The following GGA2 variants were observed in gnomAD, a reference collection of about 807,000 sequenced individuals.
The protein encoded by GGA2 is golgi associated, gamma adaptin ear containing, ARF binding protein 2, also known as ADP-ribosylation factor-binding protein GGA2.
Under a neutral mutation model 79.5 loss-of-function variants are expected in GGA2, and 48 were observed. The ratio of observed to expected loss-of-function variants is 0.60; its 90% CI spans 0.48 to 0.77. The LOEUF is 0.77. GGA2 is among the 30% of genes least tolerant of loss of function. The pLI is 0.00. For synonymous variants in GGA2, 317 were observed against 302.0 expected, an observed-to-expected ratio of 1.05 and a Z score of -0.51; for missense variants, 770 against 774.0, an observed-to-expected ratio of 0.99 and a Z score of 0.06.
At chr16:23,524,286 C>G (rs1435309870), upstream of GGA2, 1 of 1,184,348 alleles carries the variant, frequency 8.4e-7, no homozygotes, top group African/African-American at 1.5e-5. Flanking sequence ...TCCCGACGGG[C>G]CCCAGGCCTC....
At chr16:23,482,577 C>T (rs190001657) in intron 9 of GGA2, among the ~76,000 whole-genome samples, 1 of 152,246 alleles carries the variant, frequency 6.6e-6, no homozygotes, top group African/African-American at 2.4e-5. Flanking sequence ...GGTACAAAAG[C>T]CCGTGATCCC....
intron 10 of GGA2, 30 bp downstream of exon 10, chr16:23,480,615 G>C (rs780139478): frequency 6.3e-7 from 1 of 1,589,344 alleles, no homozygotes; most frequent in South Asian, 1.1e-5. Context: ...CCCCAAGGCA[G>C]AGAAGGCAAG....
chr16:23,519,157 C>T lies in GGA2; in HGVS notation c.61+430G>A, dbSNP rs1315278860. Reference sequence around the variant, plus strand: ...CCCTGGGCTCAGGTGATCCTCCCACCTCAGCCACGCCAGTAGCTGGGATTA... The same window carrying T: ...CCCTGGGCTCAGGTGATCCTCCCACTTCAGCCACGCCAGTAGCTGGGATTA... On this transcript the variant is annotated intron_variant, in intron 2 of 5. Transcript: ENST00000569300. Among the ~76,000 whole-genome samples the T allele has an allele frequency of 4.0e-5, 6 of 151,892 alleles. No individual in the cohort carries two copies. In the South Asian group the frequency reaches 1.2e-3, roughly 32 times the overall value.
chr16:23,510,052 G>A (rs577448291), intron 1 of GGA2, among the ~76,000 whole-genome samples: 179 of 149,440 alleles, frequency 1.2e-3, no homozygotes, highest in African/African-American at 4.3e-3. Flanking sequence ...CCATTGGGGT[G>A]GGGGTCGGGG....
chr16:23,495,749 G>A lies in GGA2; in HGVS notation c.121C>T (p.Gln41Ter). ...NKATDPSMSE[Q>*]DWSAIQNFCE... Reference sequence around the variant, plus strand: ...AAATTCTGGATAGCTGACCAATCCTGTTCCGACATGCTTGGGTCTGTGGCT... The same window carrying A: ...AAATTCTGGATAGCTGACCAATCCTATTCCGACATGCTTGGGTCTGTGGCT... The change falls in exon 2 of 17, where the codon CAG becomes TAG. Residue 41 changes from glutamine (Q) to a stop codon, truncating the protein, a stop_gained. Coordinates refer to ENST00000309859, the MANE Select transcript of GGA2 (RefSeq NM_015044.4). LOFTEE classifies it high-confidence loss of function. The A allele has an allele frequency of 6.2e-7, 1 of 1,612,250 alleles. No individual in the cohort carries two copies. The highest frequency in any genetic ancestry group is 1.1e-5 in the South Asian group (1 of 91,000).
intron 1 of GGA2, among the ~76,000 whole-genome samples, chr16:23,501,800 C>A (rs1477526018): frequency 6.6e-6 from 1 of 152,212 alleles, no homozygotes; most frequent in Non-Finnish European, 1.5e-5. Context: ...GAGGAAACAT[C>A]TTCAAGTTAG....
At chr16:23,496,813 C>T (rs1045901026) in intron 1 of GGA2, among the ~76,000 whole-genome samples, 4 of 152,070 alleles carry the variant, frequency 2.6e-5, no homozygotes, top group Non-Finnish European at 4.4e-5. Context: ...AAAAAATTAG[C>T]TGGGCGTGGT....
At position 23,480,736 on chromosome 16, in the gene GGA2, T is replaced by C. The variant is rs1400986743; in HGVS notation, c.915A>G (p.Gln305=). 6.8e-6 allele frequency: 11 copies of C among 1,612,602 alleles called. No individual in the cohort carries two copies. Among genetic ancestry groups the C allele is most frequent in the Non-Finnish European group, 9.3e-6 (11 of 1,178,644 alleles). Reference sequence around the variant, plus strand: ...TCACCTGTTTGTACAGCAGAACTCCTTGGGTGAGGAGGTCATTTGCCTGGA... The same window carrying C: ...TCACCTGTTTGTACAGCAGAACTCCCTGGGTGAGGAGGTCATTTGCCTGGA... The part of the protein sequence containing the change: ...EILQANDLLT[Q]GVLLYKQVME... Residue 305 remains glutamine, a synonymous_variant, in exon 10 of 17, where the codon CAA becomes CAG. Coordinates refer to ENST00000309859, the MANE Select transcript of GGA2 (RefSeq NM_015044.4).
In GGA2 at chr16:23,480,769, C is replaced by A. The variant is rs758415721; in HGVS notation, c.882G>T (p.Ala294=). ...GGAGGTCATTTGCCTGGAGAATTTC[C>A]GCTGAAGAATGAGGGAAGACTCAGA... ...SDTTDDDDAL[A]EILQANDLLT... is the part of the protein sequence containing the mutation. Residue 294 remains alanine, a splice_region_variant and synonymous_variant, in exon 10 of 17, where the codon GCG becomes GCT. Coordinates refer to ENST00000309859, the MANE Select transcript of GGA2 (RefSeq NM_015044.4). 1 of 1,607,342 alleles carries A rather than the reference C, an allele frequency of 6.2e-7. No individual in the cohort carries two copies. Among genetic ancestry groups the A allele is most frequent in the South Asian group, 1.1e-5 (1 of 90,872 alleles).
upstream of GGA2, among the ~76,000 whole-genome samples, chr16:23,515,320 G>A (rs1262264028): frequency 2.0e-5 from 3 of 151,510 alleles, no homozygotes; most frequent in African/African-American, 7.3e-5. Context: ...TAAAAGGCCA[G>A]GCATGGTGGC....
chr16:23,470,270 C>T, intron 14 of GGA2, 105 bp from the exon 15 acceptor site: 1 of 768,862 alleles, frequency 1.3e-6, no homozygotes, highest in Non-Finnish European at 2.0e-6. Context: ...GTTGCTTCTC[C>T]ATGCAGAACA....
In GGA2 at chr16:23,510,431, C is replaced by T. The variant is rs1329302205; in HGVS notation, c.-20G>A. On this transcript the variant is annotated 5_prime_UTR_variant, in exon 1 of 17. Transcript: ENST00000309859. Reference sequence around the variant, plus strand: ...CGCCATCGCTCCAGCCCCGACGCTGCGGCCGCGGGCGCCACTGCCTCTTCA... The same window carrying T: ...CGCCATCGCTCCAGCCCCGACGCTGTGGCCGCGGGCGCCACTGCCTCTTCA... 1 of 971,558 alleles carries T rather than the reference C, an allele frequency of 1.0e-6. No homozygotes were observed. The highest frequency in any genetic ancestry group is 1.4e-6 in the Non-Finnish European group (1 of 732,520). The allele number at this position is 971,558 out of a possible 1,614,324, so 60.2% of individuals were successfully genotyped here.
chr16:23,479,121 A>G (rs1298716905), intron 11 of GGA2: 1 of 597,666 alleles, frequency 1.7e-6, no homozygotes, highest in Non-Finnish European at 3.0e-6. Flanking sequence ...TTCCCTTGGC[A>G]GCAGGTATGT....
rs560761881 is a variant in GGA2 at position 23,487,595 on chromosome 16, C to T, written c.580-805G>A. Among the ~76,000 whole-genome samples, 5 of 152,214 alleles carry T rather than the reference C, an allele frequency of 3.3e-5. No individual in the cohort carries two copies. The South Asian group carries it at 1.0e-3, about 32-fold the overall frequency. On this transcript the variant is annotated intron_variant, in intron 6 of 16. Transcript: ENST00000309859. ...GGATGCCTGGCACAGAGAAGTCACT[C>T]AATCTTTGTGGGACGGATGGCAGGA...
At chr16:23,468,465 T>A (rs1567357132) in intron 16 of GGA2, among the ~76,000 whole-genome samples, 1 of 150,178 alleles carries the variant, frequency 6.7e-6, no homozygotes. Context: ...CGTGAGCCAC[T>A]GCACCTGGCC....
At chr16:23,524,333 TTC>T (rs755445330), upstream of GGA2, 2 of 1,577,650 alleles carry the variant, frequency 1.3e-6, no homozygotes, top group South Asian at 2.2e-5. Flanking sequence ...AGCTCACAGG[TTC>T]TTAGGGCGAT....
intron 1 of GGA2, among the ~76,000 whole-genome samples, chr16:23,509,682 G>C (rs963200976): frequency 6.6e-6 from 1 of 151,250 alleles, no homozygotes; most frequent in East Asian, 2.0e-4. Flanking sequence ...TCTGGCCAAA[G>C]GGTTTGAGCC....
At chr16:23,521,979 A>G (rs144471905) in exon 1 of GGA2, 22 of 363,422 alleles carry the variant, frequency 6.1e-5, no homozygotes, top group African/African-American at 3.6e-4. Flanking sequence ...CTCGGTTTCC[A>G]TATCTGTAAC....
chr16:23,509,626 A>G (rs1965012575), intron 1 of GGA2, among the ~76,000 whole-genome samples: 1 of 152,028 alleles, frequency 6.6e-6, no homozygotes, highest in Non-Finnish European at 1.5e-5. Context: ...AGATAATAAT[A>G]ACCCCTAAGA....
Sources: gnomAD v4.1 joint callset for allele counts (sites outside exome capture counted in the v4.1 genomes callset) on GRCh38, gnomAD v4.1.1 for gene constraint, MANE v1.5 for transcripts, NCBI Gene and HGNC (gene_info 2026-07-23, HGNC 2026-07-21) for gene names.